KCNK13: variants seen among roughly 807,000 people sequenced by gnomAD.
The protein encoded by KCNK13 is potassium channel subfamily K member 13.
Under a neutral mutation model 23.4 loss-of-function variants are expected in KCNK13, and 12 were observed. That is an observed-to-expected ratio of 0.51 (90% CI 0.33 to 0.83). The LOEUF is 0.83. Among genes scored for constraint, KCNK13 ranks in the 40% least tolerant of loss-of-function variants. The pLI is 0.02. For synonymous variants in KCNK13, 231 were observed against 229.5 expected (o/e 1.01, Z -0.06); for missense variants, 463 against 556.3 (o/e 0.83, Z 1.69).
intron 1 of KCNK13, among the ~76,000 whole-genome samples, chr14:90,089,249 C>T (rs1001868376): frequency 6.6e-6 from 1 of 152,112 alleles, no homozygotes; most frequent in African/African-American, 2.4e-5. Context: ...GTGATATGAA[C>T]GATAAGGTTC....
chr14:90,092,317 T>TAG (rs1277560848), intron 1 of KCNK13, among the ~76,000 whole-genome samples: 1 of 152,106 alleles, frequency 6.6e-6, no homozygotes, highest in Non-Finnish European at 1.5e-5. Context: ...GATTGGGAGG[T>TAG]AGAGAGAAAC....
intron 1 of KCNK13, among the ~76,000 whole-genome samples, chr14:90,072,862 T>C (rs537487856): frequency 6.6e-6 from 1 of 152,314 alleles, no homozygotes; most frequent in Admixed American, 6.5e-5. Flanking sequence ...TTTTTTTTAC[T>C]ATTGCATAAA....
intron 1 of KCNK13, among the ~76,000 whole-genome samples, chr14:90,170,701 T>G (rs189222110): frequency 6.6e-6 from 1 of 152,170 alleles, no homozygotes; most frequent in Non-Finnish European, 1.5e-5. Context: ...TTTGTCTGGC[T>G]CAATGAATCT....
intron 1 of KCNK13, among the ~76,000 whole-genome samples, chr14:90,118,751 C>A (rs1487282166): frequency 6.6e-6 from 1 of 152,110 alleles, no homozygotes; most frequent in Non-Finnish European, 1.5e-5. Context: ...TGCATCCTGG[C>A]CAACACTTGT....
chr14:90,127,939 A>G (rs190540871), intron 1 of KCNK13, among the ~76,000 whole-genome samples: 46 of 152,282 alleles, frequency 3.0e-4, no homozygotes, highest in Non-Finnish European at 5.7e-4. Context: ...ATATTGTAGA[A>G]AACAGATGGA....
chr14:90,147,172 A>C (rs1890082419), intron 1 of KCNK13, among the ~76,000 whole-genome samples: 1 of 152,214 alleles, frequency 6.6e-6, no homozygotes, highest in South Asian at 2.1e-4. Context: ...TAGTTGTTTA[A>C]GAAAGGAGGG....
chr14:90,149,577 A>G (rs141446291), intron 1 of KCNK13, among the ~76,000 whole-genome samples: 57 of 152,284 alleles, frequency 3.7e-4, no homozygotes, highest in Non-Finnish European at 7.1e-4. Context: ...CCGTGATTCA[A>G]TTACCTCCCA....
intron 1 of KCNK13, among the ~76,000 whole-genome samples, chr14:90,073,277 G>A (rs1889097442): frequency 2.6e-5 from 4 of 152,160 alleles, no homozygotes; most frequent in Admixed American, 2.6e-4. Flanking sequence ...CGGGTGTAAG[G>A]TTTGGGTAGC....
intron 1 of KCNK13, among the ~76,000 whole-genome samples, chr14:90,083,996 T>A (rs1166385415): frequency 6.6e-6 from 1 of 152,196 alleles, no homozygotes; most frequent in East Asian, 1.9e-4. Flanking sequence ...AAACATGAAA[T>A]TGACATCTGG....
At chr14:90,091,903 A>G (rs903999013) in intron 1 of KCNK13, among the ~76,000 whole-genome samples, 1 of 151,210 alleles carries the variant, frequency 6.6e-6, no homozygotes, top group Non-Finnish European at 1.5e-5. Context: ...GAATAAAATC[A>G]ATTTCATTTT....
chr14:90,140,370 C>T (rs1036915321), intron 1 of KCNK13, among the ~76,000 whole-genome samples: 1 of 152,114 alleles, frequency 6.6e-6, no homozygotes, highest in Non-Finnish European at 1.5e-5. Context: ...TTCTTGAAGA[C>T]CCATTGAGAA....
chr14:90,146,181 T>C (rs979282007), intron 1 of KCNK13, among the ~76,000 whole-genome samples: 1 of 152,238 alleles, frequency 6.6e-6, no homozygotes, highest in African/African-American at 2.4e-5. Context: ...TTTTATGTTC[T>C]CTGGATGATT....
At position 90,184,140 on chromosome 14, in the gene KCNK13, G is replaced by A; in HGVS notation, c.364G>A (p.Gly122Arg). Residue 122 changes from glycine (G) to arginine (R), a missense_variant, in exon 2 of 2, where the codon GGA becomes AGA. Transcript: ENST00000282146. The surrounding 1 kb of genome is among the most constrained non-coding windows in gnomAD (Gnocchi z 5.6). ...TGGGATGACAACTCCGGCGACAGTA[G>A]GAGGAAAAATCTTTCTGATCTTTTA... ...GFGMTTPATV[G>R]GKIFLIFYGL... 1 of 1,613,856 alleles carries A rather than the reference G, an allele frequency of 6.2e-7. No homozygotes were observed. The highest frequency in any genetic ancestry group is 8.5e-7 in the Non-Finnish European group (1 of 1,179,742).
At chr14:90,122,840 G>A (rs909221410) in intron 1 of KCNK13, among the ~76,000 whole-genome samples, 1 of 152,112 alleles carries the variant, frequency 6.6e-6, no homozygotes, top group Non-Finnish European at 1.5e-5. Flanking sequence ...CATTCAATAC[G>A]CACCTAATAA....
At chr14:90,175,883 G>A (rs992128277) in intron 1 of KCNK13, among the ~76,000 whole-genome samples, 1 of 152,182 alleles carries the variant, frequency 6.6e-6, no homozygotes, top group Non-Finnish European at 1.5e-5. Flanking sequence ...AGGAATGGCT[G>A]GGCCTGTCTC....
intron 1 of KCNK13, among the ~76,000 whole-genome samples, chr14:90,120,238 A>T (rs1207968326): frequency 6.6e-6 from 1 of 152,102 alleles, no homozygotes; most frequent in African/African-American, 2.4e-5. Flanking sequence ...CCCACAAAAG[A>T]TGTGATCTTA....
At chr14:90,109,714 A>AT (rs78666512) in intron 1 of KCNK13, among the ~76,000 whole-genome samples, 19,725 of 114,544 alleles carry the variant, frequency 0.17, 1,521 homozygotes, top group East Asian at 0.29. Flanking sequence ...CTGGCCCTTT[A>AT]TTTTTTTTTT....
intron 1 of KCNK13, among the ~76,000 whole-genome samples, chr14:90,134,635 TTAGTA>T (rs1341421800): frequency 6.6e-6 from 1 of 152,232 alleles, no homozygotes; most frequent in Non-Finnish European, 1.5e-5. Context: ...GTGCTTTACA[TTAGTA>T]TAGGATAATC....
chr14:90,175,439 C>G (rs1890411824), intron 1 of KCNK13, among the ~76,000 whole-genome samples: 1 of 152,220 alleles, frequency 6.6e-6, no homozygotes, highest in African/African-American at 2.4e-5. Context: ...CCCCTGCCCT[C>G]AATTGGAGGC....
Sources: allele counts gnomAD v4.1 joint callset (sites outside exome capture counted in the v4.1 genomes callset), GRCh38; gene constraint gnomAD v4.1.1; non-coding constraint Gnocchi (gnomAD v3.1); transcripts MANE v1.5; gene names NCBI Gene and HGNC (gene_info 2026-07-23, HGNC 2026-07-21).